The following OSBPL2 variants were observed in gnomAD, a reference collection of about 807,000 sequenced individuals.
OSBPL2 encodes oxysterol binding protein like 2, also known as oxysterol-binding protein-related protein 2.
In OSBPL2, 18 loss-of-function variants were observed where a neutral mutation model predicts 58.4. The observed-to-expected ratio is 0.31, with a 90% confidence interval of 0.21 to 0.46. OSBPL2 has a LOEUF of 0.46. Among genes scored for constraint, OSBPL2 ranks in the 20% least tolerant of loss-of-function variants. OSBPL2 has a pLI of 1.00. For missense variants in OSBPL2, 461 were observed against 616.5 expected (o/e 0.75, Z 2.67); for synonymous variants, 221 against 234.1 (o/e 0.94, Z 0.51).
At chr20:62,244,367 A>AGCGGCG (rs1280778353) in intron 1 of OSBPL2, among the ~76,000 whole-genome samples, 1 of 152,186 alleles carries the variant, frequency 6.6e-6, no homozygotes, top group Non-Finnish European at 1.5e-5. Context: ...AGAGATACAC[A>AGCGGCG]GCGGCGGCGG....
At chr20:62,252,163 C>T (rs984480740) in intron 1 of OSBPL2, among the ~76,000 whole-genome samples, 4 of 151,844 alleles carry the variant, frequency 2.6e-5, no homozygotes, top group Non-Finnish European at 2.9e-5. Context: ...AGTTTACAAG[C>T]GGGAACCACT....
intron 13 of OSBPL2, among the ~76,000 whole-genome samples, chr20:62,292,398 C>T (rs367807211): frequency 1.4e-4 from 22 of 152,324 alleles, no homozygotes; most frequent in African/African-American, 5.0e-4. Flanking sequence ...AAATTAAATC[C>T]CGTGTGCTGT....
intron 1 of OSBPL2, among the ~76,000 whole-genome samples, chr20:62,247,892 T>G (rs1200733148): frequency 2.0e-5 from 3 of 151,898 alleles, no homozygotes; most frequent in Non-Finnish European, 4.4e-5. Context: ...CTCGAACTCC[T>G]GACCTTGTGA....
At chr20:62,255,935 T>C in intron 1 of OSBPL2, 122 bp from the exon 2 acceptor site, 1 of 444,802 alleles carries the variant, frequency 2.2e-6, no homozygotes, top group Non-Finnish European at 4.0e-6. Context: ...TGATAATTTA[T>C]TTTACTAATT....
intron 11 of OSBPL2, 65 bp downstream of exon 11, chr20:62,286,776 C>T: frequency 6.5e-7 from 1 of 1,549,460 alleles, no homozygotes; most frequent in South Asian, 1.2e-5. Flanking sequence ...TGGGCCCAGC[C>T]CCACGGCTCT....
Position 62,270,028 on chromosome 20 carries a change from T to C in OSBPL2, c.259-2097T>C, listed in dbSNP as rs114804238. 7.0e-3 allele frequency among the ~76,000 whole-genome samples: 1,061 copies of C among 152,366 alleles called. 16 individuals carry two copies. Among genetic ancestry groups the C allele is most frequent in the African/African-American group, 0.023 (973 of 41,594 alleles). On this transcript the variant is annotated intron_variant, in intron 4 of 13. Coordinates refer to ENST00000313733, the MANE Select transcript of OSBPL2 (RefSeq NM_144498.4). Reference sequence around the variant, plus strand: ...CTGCACTCGTCCTTGACCCAGTGTCTGAGCAGAGCCCCCCTCCCAGCACGG... The same window carrying C: ...CTGCACTCGTCCTTGACCCAGTGTCCGAGCAGAGCCCCCCTCCCAGCACGG...
chr20:62,253,234 A>G (rs974114518), intron 1 of OSBPL2, among the ~76,000 whole-genome samples: 2 of 152,202 alleles, frequency 1.3e-5, no homozygotes, highest in African/African-American at 2.4e-5. Flanking sequence ...ATAAAGCGCA[A>G]TTTCCTCACC....
intron 3 of OSBPL2, 138 bp from the exon 4 acceptor site, chr20:62,263,478 C>T (rs1338726810): frequency 5.7e-6 from 4 of 704,278 alleles, no homozygotes; most frequent in Non-Finnish European, 1.0e-5. Context: ...TGCCCTGTGT[C>T]CCTAGGCATG....
At chr20:62,240,146 C>T (rs192244870) in intron 1 of OSBPL2, among the ~76,000 whole-genome samples, 65 of 152,302 alleles carry the variant, frequency 4.3e-4, no homozygotes, top group African/African-American at 1.5e-3. Flanking sequence ...AGCCACCGCG[C>T]CCTGCCATGA....
At chr20:62,266,487 T>A (rs180763610) in intron 4 of OSBPL2, among the ~76,000 whole-genome samples, 3 of 152,326 alleles carry the variant, frequency 2.0e-5, no homozygotes, top group Non-Finnish European at 2.9e-5. Flanking sequence ...TGATTGGCTG[T>A]GGCTCGTTCT....
chr20:62,253,246 G>A (rs920099064), intron 1 of OSBPL2, among the ~76,000 whole-genome samples: 2 of 152,242 alleles, frequency 1.3e-5, no homozygotes, highest in South Asian at 2.1e-4. Flanking sequence ...TTCCTCACCT[G>A]TTACCTGGCG....
intron 1 of OSBPL2, among the ~76,000 whole-genome samples, chr20:62,243,926 C>A (rs1214865757): frequency 6.6e-6 from 1 of 151,778 alleles, no homozygotes; most frequent in East Asian, 1.9e-4. Context: ...GGTTTGAAGC[C>A]CTGCCTGTAG....
intron 1 of OSBPL2, among the ~76,000 whole-genome samples, chr20:62,249,785 G>A (rs1379292943): frequency 6.6e-6 from 1 of 152,110 alleles, no homozygotes; most frequent in African/African-American, 2.4e-5. Flanking sequence ...ATGTTGGTCA[G>A]GCTGGTCTGA....
At chr20:62,278,795 A>G (rs185148584) in intron 6 of OSBPL2, 240 of 206,498 alleles carry the variant, frequency 1.2e-3, no homozygotes, top group African/African-American at 6.7e-3. Context: ...TGTGTTGCCA[A>G]CGTTAGGCCG....
chr20:62,246,246 C>T (rs181161363), intron 1 of OSBPL2, among the ~76,000 whole-genome samples: 35 of 152,300 alleles, frequency 2.3e-4, no homozygotes, highest in Non-Finnish European at 1.8e-4. Context: ...CCAGGATGGG[C>T]GCCACTGCCG....
At chr20:62,282,434 G>T (rs1209661034) in intron 9 of OSBPL2, among the ~76,000 whole-genome samples, 1 of 152,096 alleles carries the variant, frequency 6.6e-6, no homozygotes, top group South Asian at 2.1e-4. Context: ...TGTAATCTGG[G>T]TCTCACATTT....
intron 11 of OSBPL2, 94 bp from the exon 12 acceptor site, chr20:62,289,113 C>A: frequency 7.0e-7 from 1 of 1,423,470 alleles, no homozygotes; most frequent in Non-Finnish European, 9.7e-7. Flanking sequence ...TCAGGTAGCA[C>A]CTGCGGGATT....
At chr20:62,278,871 G>T (rs1237490949) in intron 6 of OSBPL2, 3 of 401,352 alleles carry the variant, frequency 7.5e-6, no homozygotes, top group Non-Finnish European at 1.3e-5. Context: ...ATGTTTGTGT[G>T]TGTGTTTGTT....
intron 12 of OSBPL2, among the ~76,000 whole-genome samples, chr20:62,290,476 G>A (rs1835463639): frequency 1.4e-5 from 2 of 141,314 alleles, no homozygotes; most frequent in South Asian, 4.5e-4. Context: ...GAGGGCAGTG[G>A]TGCGATCTCG....
Sources: allele counts gnomAD v4.1 joint callset (sites outside exome capture counted in the v4.1 genomes callset), GRCh38; gene constraint gnomAD v4.1.1; transcripts MANE v1.5; gene names NCBI Gene and HGNC (gene_info 2026-07-23, HGNC 2026-07-21).